TFCP2: variants seen among roughly 807,000 people sequenced by gnomAD.
TFCP2 encodes transcription factor CP2, also known as alpha-globin transcription factor CP2.
Under a neutral mutation model 73.4 loss-of-function variants are expected in TFCP2, and 33 were observed. The observed-to-expected ratio is 0.45, with a 90% CI of 0.34 to 0.60. The LOEUF is 0.60. TFCP2 is among the 20% of genes least tolerant of loss of function. The pLI is 0.01. For missense variants in TFCP2, 352 were observed against 604.0 expected, an observed-to-expected ratio of 0.58 and a Z score of 4.37; for synonymous variants, 193 against 211.6, an observed-to-expected ratio of 0.91 and a Z score of 0.76.
intron 1 of TFCP2, among the ~76,000 whole-genome samples, chr12:51,129,061 A>G (rs547646497): frequency 2.0e-5 from 3 of 152,326 alleles, no homozygotes; most frequent in Admixed American, 6.5e-5. Flanking sequence ...AAAAAAGTCT[A>G]TTTCAAAGAG....
At chr12:51,118,156 A>G (rs1157122945) in intron 2 of TFCP2, among the ~76,000 whole-genome samples, 1 of 152,248 alleles carries the variant, frequency 6.6e-6, no homozygotes, top group Non-Finnish European at 1.5e-5. Flanking sequence ...AGCTAGTAAT[A>G]GATATCAAGT....
chr12:51,093,833 A>AACACACAC lies in TFCP2; in HGVS notation c.*1400_*1407dup, dbSNP rs10542898. On this transcript the variant is annotated 3_prime_UTR_variant, in exon 15 of 15. Coordinates refer to ENST00000257915, the MANE Select transcript of TFCP2 (RefSeq NM_005653.5). ...CATTTAAACCTTATCAAATGCTTTAAACACACACACACACACACACACACA... is the reference window on the plus strand; with the variant it reads ...CATTTAAACCTTATCAAATGCTTTAAACACACACACACACACACACACACACACACACA... 31 of 149,576 alleles carry AACACACAC rather than the reference A, an allele frequency of 2.1e-4. No individual in the cohort carries two copies. Among genetic ancestry groups the AACACACAC allele is most frequent in the African/African-American group, 6.2e-4 (25 of 40,548 alleles). 9.3% of individuals were successfully genotyped at this position (149,576 alleles called of 1,614,324 possible).
At chr12:51,136,344 G>A (rs1049012193) in intron 1 of TFCP2, among the ~76,000 whole-genome samples, 9 of 151,312 alleles carry the variant, frequency 5.9e-5, no homozygotes, top group Admixed American at 1.3e-4. Context: ...GTTCCCTGAC[G>A]GAGCATAACA....
chr12:51,143,780 C>T (rs1465372431), intron 1 of TFCP2, among the ~76,000 whole-genome samples: 1 of 151,964 alleles, frequency 6.6e-6, no homozygotes, highest in East Asian at 1.9e-4. Flanking sequence ...AAAAGATAGA[C>T]CAAAGATGGG....
chr12:51,095,227 G>C lies in TFCP2; in HGVS notation c.*14C>G. On this transcript the variant is annotated 3_prime_UTR_variant, in exon 15 of 15. Transcript: ENST00000257915. The stretch of plus-strand genomic sequence containing the variant: ...GAAGGAAGGAGCAGCCACTGGGCAC[G>C]AAACGCCGCACTCCTACTTCAGTAT... The C allele has an allele frequency of 6.2e-7, 1 of 1,613,944 alleles. No individual in the cohort carries two copies. The highest frequency in any genetic ancestry group is 8.5e-7 in the Non-Finnish European group (1 of 1,179,934).
chr12:51,144,322 C>T (rs1941247359), intron 1 of TFCP2, among the ~76,000 whole-genome samples: 1 of 152,180 alleles, frequency 6.6e-6, no homozygotes, highest in African/African-American at 2.4e-5. Flanking sequence ...GTGTGTGCCA[C>T]TGCACCCAGC....
intron 1 of TFCP2, among the ~76,000 whole-genome samples, chr12:51,144,041 A>T (rs1941240476): frequency 6.6e-6 from 1 of 151,590 alleles, no homozygotes; most frequent in Non-Finnish European, 1.5e-5. Flanking sequence ...CTTAAAAAAA[A>T]TTTTTTTTTG....
At position 51,124,752 on chromosome 12, in the gene TFCP2, GCCTTTTTCTGCTGCTCAA is replaced by G. The variant is rs767527999; in HGVS notation, c.123-5998_123-5981del. 6,171 of 748,696 alleles carry G rather than the reference GCCTTTTTCTGCTGCTCAA, an allele frequency of 8.2e-3. 114 individuals carry two copies. Among genetic ancestry groups the G allele is most frequent in the East Asian group, 0.053 (2,041 of 38,812 alleles). 46.4% of individuals were successfully genotyped at this position (748,696 alleles called of 1,614,324 possible). ...GTCGCCCTCAGCAGAGATCACGGCT[GCCTTTTTCTGCTGCTCAA>G]CCTTTTTCTGCTGCTCAGCCTTTTT... On this transcript the variant is annotated intron_variant, in intron 1 of 14. Transcript: ENST00000257915.
intron 1 of TFCP2, among the ~76,000 whole-genome samples, chr12:51,144,860 G>C (rs868726236): frequency 6.6e-6 from 1 of 152,182 alleles, no homozygotes; most frequent in African/African-American, 2.4e-5. Context: ...TCAAGGGTTT[G>C]AGACCAGCCT....
chr12:51,134,970 C>T (rs1941029266), intron 1 of TFCP2, among the ~76,000 whole-genome samples: 1 of 151,946 alleles, frequency 6.6e-6, no homozygotes, highest in Non-Finnish European at 1.5e-5. Context: ...ATTAGCCAGG[C>T]ATAGTGGTGT....
intron 1 of TFCP2, chr12:51,124,574 G>A (rs1940755375): frequency 2.0e-6 from 1 of 492,112 alleles, no homozygotes; most frequent in Non-Finnish European, 4.0e-6. Context: ...GGTGCAGGCA[G>A]GGTGGGCCCT....
At chr12:51,104,093 T>G in intron 9 of TFCP2, 62 bp downstream of exon 9, 1 of 1,509,506 alleles carries the variant, frequency 6.6e-7, no homozygotes, top group South Asian at 1.1e-5. Context: ...TTCTACTGAA[T>G]TGGACAGTCA....
At chr12:51,100,158 T>C (rs1262961446) in intron 11 of TFCP2, among the ~76,000 whole-genome samples, 1 of 152,180 alleles carries the variant, frequency 6.6e-6, no homozygotes, top group Non-Finnish European at 1.5e-5. Context: ...ATGTACTCTA[T>C]AGTCATTTGA....
At position 51,172,509 on chromosome 12, in the gene TFCP2, A is replaced by G; in HGVS notation, c.-87T>C. ...TACCCAACAGGAGTAACGCAAACCA[A>G]GAAAACTACAAACCAAGGTTTCCCA... On this transcript the variant is annotated 5_prime_UTR_variant, in exon 1 of 15. Coordinates refer to ENST00000257915, the MANE Select transcript of TFCP2 (RefSeq NM_005653.5). 6.3e-7 allele frequency: 1 copy of G among 1,575,270 alleles called. No individual in the cohort carries two copies. Among genetic ancestry groups the G allele is most frequent in the Non-Finnish European group, 8.6e-7 (1 of 1,160,632 alleles).
intron 1 of TFCP2, among the ~76,000 whole-genome samples, chr12:51,163,158 G>A (rs1429813906): frequency 6.6e-6 from 1 of 152,130 alleles, no homozygotes; most frequent in Non-Finnish European, 1.5e-5. Context: ...AAATTAGCTA[G>A]GCATGGTGGC....
intron 13 of TFCP2, among the ~76,000 whole-genome samples, chr12:51,097,536 G>A (rs938166905): frequency 1.3e-5 from 2 of 152,142 alleles, no homozygotes; most frequent in Non-Finnish European, 2.9e-5. Context: ...ATGAGCCATT[G>A]CGCCTGGGCA....
chr12:51,117,694 C>A lies in TFCP2; in HGVS notation c.328G>T (p.Glu110Ter), dbSNP rs1282483108. ...ACCTTCACCAATTTGCCATTAATTT[C>A]TGGAAGTTCTCCAAGTTTCCTATTG... ...LDNRKLGELPEINGKLVKSIF... is the reference protein window; with the variant it reads ...LDNRKLGELP The change falls in exon 3 of 15, where the codon GAA (glutamate) becomes TAA (stop). Residue 110 changes from glutamate (E) to a stop codon, truncating the protein, a stop_gained. Transcript: ENST00000257915. LOFTEE classifies it high-confidence loss of function. The A allele has an allele frequency of 5.6e-6, 9 of 1,613,162 alleles. No individual in the cohort carries two copies. The highest frequency in any genetic ancestry group is 6.8e-6 in the Non-Finnish European group (8 of 1,179,538).
Position 51,110,998 on chromosome 12 carries a change from G to A in TFCP2, c.458-15C>T. The A allele has an allele frequency of 1.3e-6, 2 of 1,571,970 alleles. No homozygotes were observed. Among genetic ancestry groups the A allele is most frequent in the South Asian group, 1.1e-5 (1 of 90,134 alleles). ...CATCGGGATATCTGAGAAACAAAAT[G>A]GTAATCATTGAACAATTTTGAGGGC... On this transcript the variant is annotated splice_polypyrimidine_tract_variant and intron_variant, in intron 4 of 14. Coordinates refer to ENST00000257915, the MANE Select transcript of TFCP2 (RefSeq NM_005653.5).
At position 51,109,135 on chromosome 12, in the gene TFCP2, T is replaced by C; in HGVS notation, c.703A>G (p.Ile235Val). Reference sequence around the variant, plus strand: ...CCCAGGAATACCTTGAAAACTTTGATCTGGCAGCTGGCCGAGTGTAAGTGC... The same window carrying C: ...CCCAGGAATACCTTGAAAACTTTGACCTGGCAGCTGGCCGAGTGTAAGTGC... ...TEHLHSASCQIKVFKPKGADR... is the reference protein window; with the variant it reads ...TEHLHSASCQVKVFKPKGADR... Residue 235 changes from isoleucine (I) to valine (V), a missense_variant, in exon 6 of 15, where the codon ATC becomes GTC. Coordinates refer to ENST00000257915, the MANE Select transcript of TFCP2 (RefSeq NM_005653.5). 6.2e-7 allele frequency: 1 copy of C among 1,614,204 alleles called. No homozygotes were observed. Among genetic ancestry groups the C allele is most frequent in the Admixed American group, 1.7e-5 (1 of 60,020 alleles).
Sources: gnomAD v4.1 joint callset for allele counts (sites outside exome capture counted in the v4.1 genomes callset) on GRCh38, gnomAD v4.1.1 for gene constraint, MANE v1.5 for transcripts, NCBI Gene and HGNC (gene_info 2026-07-23, HGNC 2026-07-21) for gene names.